Variants in VPS53 observed in about 807,000 individuals in gnomAD.
VPS53 encodes the protein vacuolar protein sorting-associated protein 53 homolog.
A neutral mutation model predicts 107.0 loss-of-function variants in VPS53; 70 were observed. That is an observed-to-expected ratio of 0.65 (90% CI 0.54 to 0.80). VPS53 has a LOEUF of 0.80. Ranked by LOEUF, VPS53 falls within the 30% of genes least tolerant of loss-of-function variation. The pLI is 0.00. For synonymous variants in VPS53, 409 were observed against 393.3 expected (o/e 1.04, Z -0.47); for missense variants, 917 against 1,049.4 (o/e 0.87, Z 1.74).
chr17:677,158 T>C (rs748327181), intron 4 of VPS53, among the ~76,000 whole-genome samples: 19 of 152,312 alleles, frequency 1.2e-4, no homozygotes, highest in South Asian at 4.1e-4. Flanking sequence ...CCAATATTCA[T>C]AGCATCACTG....
At chr17:531,929 C>G (rs927178583) in intron 19 of VPS53, 4 of 152,374 alleles carry the variant, frequency 2.6e-5, no homozygotes, top group African/African-American at 9.9e-5. Context: ...GCATGCACCA[C>G]CACGCCTGGC....
At chr17:703,044 C>A (rs993527086) in intron 2 of VPS53, among the ~76,000 whole-genome samples, 26 of 152,086 alleles carry the variant, frequency 1.7e-4, no homozygotes, top group African/African-American at 6.3e-4. Context: ...CCTGTCTCTA[C>A]CAAAAATACA....
intron 11 of VPS53, among the ~76,000 whole-genome samples, chr17:604,369 T>C (rs1257746692): frequency 1.3e-5 from 2 of 151,998 alleles, no homozygotes; most frequent in Non-Finnish European, 2.9e-5. Flanking sequence ...GCGTAAAGCA[T>C]CAAGAAAACG....
At chr17:620,942 A>G (rs1969444734) in intron 11 of VPS53, among the ~76,000 whole-genome samples, 1 of 152,156 alleles carries the variant, frequency 6.6e-6, no homozygotes, top group Non-Finnish European at 1.5e-5. Context: ...AAGGATTTGG[A>G]AATCACTGAT....
intron 12 of VPS53, among the ~76,000 whole-genome samples, chr17:598,659 T>A (rs1365260044): frequency 7.0e-6 from 1 of 142,078 alleles, no homozygotes; most frequent in Non-Finnish European, 1.5e-5. Context: ...CGCGACCCGG[T>A]CTGGGAGGTG....
At position 659,520 on chromosome 17, in the gene VPS53, A is replaced by AT. The variant is rs1267718552; in HGVS notation, c.372+2288dup. On this transcript the variant is annotated intron_variant, in intron 5 of 21. Coordinates refer to ENST00000437048, the MANE Select transcript of VPS53 (RefSeq NM_001128159.3). ...GGTCTTGAACTCCTGGCCTCAAGTGATCCCCCCTCCTTGGCCTCCCAAACT... is the reference window on the plus strand; with the variant it reads ...GGTCTTGAACTCCTGGCCTCAAGTGATTCCCCCCTCCTTGGCCTCCCAAACT... 9.9e-5 allele frequency among the ~76,000 whole-genome samples: 15 copies of AT among 152,236 alleles called. No individual in the cohort carries two copies. The South Asian group carries it at 1.2e-3, about 13-fold the overall frequency.
chr17:598,735 G>A (rs1465703725), intron 12 of VPS53, among the ~76,000 whole-genome samples: 3 of 124,120 alleles, frequency 2.4e-5, no homozygotes, highest in Non-Finnish European at 3.5e-5. Flanking sequence ...CAACCGCCCC[G>A]TCTGAGAAGT....
intron 4 of VPS53, among the ~76,000 whole-genome samples, chr17:693,467 A>T (rs1360768116): frequency 6.6e-6 from 1 of 152,166 alleles, no homozygotes; most frequent in Non-Finnish European, 1.5e-5. Flanking sequence ...CATGCCTATA[A>T]TCTCAGCATT....
intron 4 of VPS53, among the ~76,000 whole-genome samples, chr17:694,510 A>G (rs1972880888): frequency 6.6e-6 from 1 of 152,182 alleles, no homozygotes; most frequent in South Asian, 2.1e-4. Flanking sequence ...TTAAACATCT[A>G]TGACTCCTGC....
At chr17:554,568 T>A (rs1427097103) in intron 15 of VPS53, among the ~76,000 whole-genome samples, 1 of 152,114 alleles carries the variant, frequency 6.6e-6, no homozygotes, top group Non-Finnish European at 1.5e-5. Context: ...CATGTCCGGC[T>A]AATTTCGTAT....
intron 2 of VPS53, among the ~76,000 whole-genome samples, chr17:700,267 G>A (rs1257220513): frequency 1.3e-5 from 2 of 152,134 alleles, no homozygotes; most frequent in South Asian, 2.1e-4. Flanking sequence ...CTTGGGCCGG[G>A]TGCAGTGGCT....
chr17:707,250 G>T (rs562963010), intron 2 of VPS53, among the ~76,000 whole-genome samples: 1 of 152,020 alleles, frequency 6.6e-6, no homozygotes, highest in African/African-American at 2.4e-5. Flanking sequence ...GGTCGGGCGC[G>T]GTGGCTCACG....
At chr17:581,308 C>A (rs1321507635) in intron 13 of VPS53, among the ~76,000 whole-genome samples, 1 of 150,660 alleles carries the variant, frequency 6.6e-6, no homozygotes, top group Non-Finnish European at 1.5e-5. Flanking sequence ...CCCAGAGAAC[C>A]CCTCTCAGAA....
intron 11 of VPS53, among the ~76,000 whole-genome samples, chr17:617,627 A>G (rs113229278): frequency 4.4e-4 from 60 of 136,648 alleles, no homozygotes; most frequent in African/African-American, 6.1e-4. Flanking sequence ...ATTATTTCCC[A>G]GGTAGCTGGG....
At chr17:539,675 A>T (rs1910444373) in intron 17 of VPS53, among the ~76,000 whole-genome samples, 1 of 152,230 alleles carries the variant, frequency 6.6e-6, no homozygotes, top group Non-Finnish European at 1.5e-5. Context: ...CTCCAGCCTC[A>T]GATGGCTGAT....
intron 4 of VPS53, among the ~76,000 whole-genome samples, chr17:693,547 A>C (rs1373357720): frequency 1.3e-5 from 2 of 152,064 alleles, no homozygotes; most frequent in Non-Finnish European, 2.9e-5. Flanking sequence ...CACAGCAAGA[A>C]CCCATCTCTA....
intron 12 of VPS53, among the ~76,000 whole-genome samples, chr17:588,996 T>C (rs570867199): frequency 1.3e-5 from 2 of 152,144 alleles, no homozygotes; most frequent in South Asian, 4.1e-4. Context: ...GGACTAGATA[T>C]CATGGATTCA....
chr17:626,975 C>T (rs1335478584), intron 10 of VPS53, among the ~76,000 whole-genome samples, 199 bp downstream of exon 10: 4 of 152,046 alleles, frequency 2.6e-5, no homozygotes, highest in Admixed American at 6.6e-5. Flanking sequence ...AAGAACTACA[C>T]CACGGAAAGT....
intron 9 of VPS53, among the ~76,000 whole-genome samples, chr17:627,641 T>C (rs1471915504): frequency 6.6e-6 from 1 of 152,048 alleles, no homozygotes; most frequent in Non-Finnish European, 1.5e-5. Flanking sequence ...CCTGGTGTGG[T>C]GACAGGCGCC....
Sources: allele counts gnomAD v4.1 joint callset (sites outside exome capture counted in the v4.1 genomes callset), GRCh38; gene constraint gnomAD v4.1.1; transcripts MANE v1.5; gene names NCBI Gene and HGNC (gene_info 2026-07-23, HGNC 2026-07-21).